ZNF800: variants seen among roughly 807,000 people sequenced by gnomAD.
ZNF800 encodes the protein zinc finger protein 800.
In ZNF800, 13 loss-of-function variants were observed where a neutral mutation model predicts 59.5. The observed-to-expected ratio is 0.22, with a 90% CI of 0.14 to 0.35. The LOEUF is 0.35. ZNF800 is among the 10% of genes least tolerant of loss of function. ZNF800 has a pLI of 1.00. For missense variants in ZNF800, 621 were observed against 783.7 expected, an observed-to-expected ratio of 0.79 and a Z score of 2.48; for synonymous variants, 266 against 265.7, an observed-to-expected ratio of 1.00 and a Z score of -0.01.
Position 127,374,458 on chromosome 7 carries a change from C to T in ZNF800, c.878G>A (p.Cys293Tyr). Residue 293 changes from cysteine (C) to tyrosine (Y), a missense_variant, in exon 5 of 6, where the codon TGT becomes TAT. By Grantham distance (194) the Cys-to-Tyr change is radical. Around this residue, in one of 7 missense-constraint regions of ZNF800, gnomAD observed 9 missense variants for 37.0 expected, o/e 0.24. Coordinates refer to ENST00000265827, the MANE Select transcript of ZNF800 (RefSeq NM_176814.5). The part of the protein sequence containing the change: ...VPLSRSCPVC[C>Y]KSFATKANVR... ...ATTCGCTTTTGTAGCAAATGATTTA[C>T]AACATACTGGACAACTCCTACTTAA... 1 of 1,614,058 alleles carries T rather than the reference C, an allele frequency of 6.2e-7. No homozygotes were observed. Among genetic ancestry groups the T allele is most frequent in the Non-Finnish European group, 8.5e-7 (1 of 1,179,978 alleles).
At chr7:127,383,894 A>G (rs998037120) in intron 3 of ZNF800, among the ~76,000 whole-genome samples, 9 of 152,154 alleles carry the variant, frequency 5.9e-5, no homozygotes, top group South Asian at 2.1e-4. Context: ...AAATAACTCA[A>G]AAGGCAAATT....
rs2117235146 is a variant in ZNF800, at chr7:127,392,148, C to T, written c.-147G>A. Reference sequence around the variant, plus strand: ...GACAGCCTGGCGTGGGAGGCGGCTGCGGGCCCCACCTGGCGCAGCCTCCGC... The same window carrying T: ...GACAGCCTGGCGTGGGAGGCGGCTGTGGGCCCCACCTGGCGCAGCCTCCGC... On this transcript the variant is annotated 5_prime_UTR_variant, in exon 1 of 6. Coordinates refer to ENST00000265827, the MANE Select transcript of ZNF800 (RefSeq NM_176814.5). 1.0e-5 allele frequency: 4 copies of T among 394,412 alleles called. No homozygotes were observed. Among genetic ancestry groups the T allele is most frequent in the Non-Finnish European group, 1.8e-5 (4 of 223,344 alleles). 24.4% of individuals were successfully genotyped at this position (394,412 alleles called of 1,614,324 possible).
At chr7:127,380,873 AG>A (rs1425688233) in intron 3 of ZNF800, among the ~76,000 whole-genome samples, 23 of 152,302 alleles carry the variant, frequency 1.5e-4, no homozygotes, top group South Asian at 4.1e-4. Context: ...TCCAAAGGAA[AG>A]GCTTTTGATA....
At chr7:127,362,808 G>C (rs977200677) in intron 1 of ZNF800, 5 of 152,116 alleles carry the variant, frequency 3.3e-5, no homozygotes, top group Non-Finnish European at 5.9e-5. Flanking sequence ...AAGTAAATTA[G>C]TCAAGCGATG....
At chr7:127,347,359 A>G (rs1042287266) in exon 2 of ZNF800, 2 of 105,618 alleles carry the variant, frequency 1.9e-5, no homozygotes, top group Non-Finnish European at 1.7e-5. Context: ...CTTCTGGCAG[A>G]TGGCAATATT....
At chr7:127,372,731 A>G (rs1194352933) in intron 5 of ZNF800, 4 of 985,348 alleles carry the variant, frequency 4.1e-6, no homozygotes, top group Non-Finnish European at 4.8e-6. Context: ...CCAAACTTCT[A>G]TTTACCACCA....
chr7:127,385,945 A>G, intron 3 of ZNF800, 115 bp downstream of exon 3: 1 of 654,746 alleles, frequency 1.5e-6, no homozygotes, highest in African/African-American at 1.9e-5. Context: ...TAAATATTCT[A>G]TAAAGAAAGC....
rs774573647 is a variant in ZNF800 at position 127,373,371 on chromosome 7, G to A, written c.1965C>T (p.Gly655=). ...CAAGAGCCTTAGATCTTGTACTTCGGCCTTTGGTTTTGTTTCCTTCAGGTG... is the reference window on the plus strand; with the variant it reads ...CAAGAGCCTTAGATCTTGTACTTCGACCTTTGGTTTTGTTTCCTTCAGGTG... ...SNSPEGNKTK[G]RSTRSKALV is the part of the protein sequence containing the mutation. Residue 655 remains glycine, a synonymous_variant, in exon 5 of 6, where the codon GGC becomes GGT. Transcript: ENST00000265827. 1.3e-5 allele frequency: 21 copies of A among 1,607,920 alleles called. No individual in the cohort carries two copies. Among genetic ancestry groups the A allele is most frequent in the Middle Eastern group, 1.7e-4 (1 of 6,046 alleles).
intron 1 of ZNF800, 29 bp from the exon 2 acceptor site, chr7:127,391,644 C>T (rs1801321196): frequency 1.6e-6 from 2 of 1,236,270 alleles, no homozygotes. Flanking sequence ...ACCCGTCACT[C>T]GCCCTGAACT....
rs540907373 is a variant in ZNF800, at chr7:127,349,091, A to G, written n.225-1048T>C. On this transcript the variant is annotated intron_variant and non_coding_transcript_variant, in intron 1 of 1. Transcript: ENST00000485577. Reference sequence around the variant, plus strand: ...AAAAAAAAAAATCTGGGCTTTTGAGAAATGTAATTTGATTTGTAATTTCCA... The same window carrying G: ...AAAAAAAAAAATCTGGGCTTTTGAGGAATGTAATTTGATTTGTAATTTCCA... Among the ~76,000 whole-genome samples the G allele has an allele frequency of 2.0e-5, 3 of 152,258 alleles. No homozygotes were observed. In the East Asian group the frequency reaches 5.8e-4, roughly 29 times the overall value.
chr7:127,364,733 C>T (rs1190139076), intron 1 of ZNF800: 1 of 151,988 alleles, frequency 6.6e-6, no homozygotes, highest in Non-Finnish European at 1.5e-5. Context: ...AAGTGCTGGA[C>T]TTGGAACAGA....
chr7:127,362,407 G>T (rs926648015), intron 1 of ZNF800: 1 of 152,116 alleles, frequency 6.6e-6, no homozygotes, highest in African/African-American at 2.4e-5. Context: ...AAAAGCAAAA[G>T]AGAGAAGCCC....
chr7:127,380,354 ACCT>A (rs1177324619), intron 3 of ZNF800, among the ~76,000 whole-genome samples: 1 of 152,196 alleles, frequency 6.6e-6, no homozygotes, highest in African/African-American at 2.4e-5. Flanking sequence ...TATTAAAAAA[ACCT>A]TCTCTAAAAA....
At position 127,392,414 on chromosome 7, in the gene ZNF800, C is replaced by T. The variant is rs1290967559; in HGVS notation, c.-413G>A. 7.9e-6 allele frequency: 3 copies of T among 377,554 alleles called. No individual in the cohort carries two copies. The highest frequency in any genetic ancestry group is 9.4e-6 in the Non-Finnish European group (2 of 212,914). 23.4% of individuals were successfully genotyped at this position (377,554 alleles called of 1,614,324 possible). A position where few individuals can be genotyped will look rare whatever the true frequency, so the allele number is the denominator to read the frequency against. ...ACCACCGAAGGAGCCGGAACCGGAG[C>T]GGGCAGGACCTGAGGCTTCCCTCGC... is the stretch of plus-strand genomic sequence containing the variant. On this transcript the variant is annotated 5_prime_UTR_variant, in exon 1 of 6. Coordinates refer to ENST00000265827, the MANE Select transcript of ZNF800 (RefSeq NM_176814.5).
chr7:127,348,729 C>T (rs931866622), intron 1 of ZNF800, among the ~76,000 whole-genome samples: 17 of 152,156 alleles, frequency 1.1e-4, no homozygotes, highest in Non-Finnish European at 1.9e-4. Context: ...CTGCAGGTAA[C>T]GCTTTTTTAA....
At position 127,374,878 on chromosome 7, in the gene ZNF800, G is replaced by C; in HGVS notation, c.458C>G (p.Pro153Arg). 1 of 1,613,830 alleles carries C rather than the reference G, an allele frequency of 6.2e-7. No homozygotes were observed. The highest frequency in any genetic ancestry group is 8.5e-7 in the Non-Finnish European group (1 of 1,179,878). ...VFQYISRTDN[P>R]IEVTESSSTP... is the part of the protein sequence containing the mutation. ...ACTGCTTGACTCTGTGACTTCAATA[G>C]GATTATCAGTCCTCGAAATATATTG... is the stretch of plus-strand genomic sequence containing the variant. The change falls in exon 5 of 6, where the codon CCT (proline) becomes CGT (arginine). Residue 153 changes from proline to arginine, a missense_variant. This residue lies in a region of ZNF800 where 218 missense variants were observed against 230.8 expected (regional missense o/e 0.94). Transcript: ENST00000265827.
intron 3 of ZNF800, among the ~76,000 whole-genome samples, chr7:127,379,870 C>G (rs867171766): frequency 3.0e-4 from 25 of 83,882 alleles, no homozygotes; most frequent in Middle Eastern, 5.4e-3. Flanking sequence ...CACACACACA[C>G]AGAGAGAGAG....
At chr7:127,357,279 A>G (rs1725494509) in intron 1 of ZNF800, among the ~76,000 whole-genome samples, 1 of 152,100 alleles carries the variant, frequency 6.6e-6, no homozygotes, top group African/African-American at 2.4e-5. Flanking sequence ...AATGAGGGCC[A>G]CAGGATGACA....
At chr7:127,379,836 A>ACCCCCCACCCCC (rs1800905580) in intron 3 of ZNF800, among the ~76,000 whole-genome samples, 2 of 27,636 alleles carry the variant, frequency 7.2e-5, no homozygotes, top group African/African-American at 1.5e-4. Context: ...TACCCTTGCC[A>ACCCCCCACCCCC]CCCCCCCACC....
Sources: gnomAD v4.1 joint callset for allele counts (sites outside exome capture counted in the v4.1 genomes callset) on GRCh38, gnomAD v4.1.1 for gene constraint, gnomAD v4.1.1 regional missense constraint, MANE v1.5 for transcripts, NCBI Gene and HGNC (gene_info 2026-07-23, HGNC 2026-07-21) for gene names.